The following SCD5 variants were observed in gnomAD, a reference collection of about 807,000 sequenced individuals.
SCD5 encodes stearoyl-CoA desaturase 5.
Under a neutral mutation model 30.4 loss-of-function variants are expected in SCD5, and 20 were observed. The observed-to-expected ratio is 0.66, with a 90% CI of 0.46 to 0.96. SCD5 has a LOEUF of 0.96. Among genes scored for constraint, SCD5 ranks in the 40% least tolerant of loss-of-function variants. SCD5 has a pLI of 0.00. For synonymous variants in SCD5, 173 were observed against 176.4 expected, an observed-to-expected ratio of 0.98 and a Z score of 0.16; for missense variants, 381 against 443.3, an observed-to-expected ratio of 0.86 and a Z score of 1.26.
rs1727261911 is a variant in SCD5, at chr4:82,630,494, A to G, written c.*833T>C. ...TGATGGGTTAATTGGTAGAAAAGAA[A>G]ACAAATGCTCTCCTGAACTACACTG... On this transcript the variant is annotated 3_prime_UTR_variant, in exon 5 of 5. Transcript: ENST00000319540. 6.6e-6 allele frequency: 1 copy of G among 152,212 alleles called. No individual in the cohort carries two copies. Among genetic ancestry groups the G allele is most frequent in the East Asian group, 1.9e-4 (1 of 5,198 alleles). The allele number at this position is 152,212 out of a possible 1,614,324, so 9.4% of individuals were successfully genotyped here. A position where few individuals can be genotyped will look rare whatever the true frequency, so the allele number is the denominator to read the frequency against.
At position 82,702,653 on chromosome 4, in the gene SCD5, C is replaced by T. The variant is rs536665289; in HGVS notation, c.363+2630G>A. ...CCAAACAGAGACAGCTATGGCATGA[C>T]TTGTCCATTTTGGCCAATGGCATGA... On this transcript the variant is annotated intron_variant, in intron 2 of 4. Coordinates refer to ENST00000319540, the MANE Select transcript of SCD5 (RefSeq NM_001037582.3). Among the ~76,000 whole-genome samples the T allele has an allele frequency of 2.6e-5, 4 of 152,304 alleles. No homozygotes were observed. The East Asian group carries it at 7.7e-4, about 29-fold the overall frequency.
At chr4:82,707,404 G>A (rs1039023537) in intron 1 of SCD5, among the ~76,000 whole-genome samples, 3 of 152,166 alleles carry the variant, frequency 2.0e-5, no homozygotes, top group Non-Finnish European at 2.9e-5. Context: ...GAGAACTCAC[G>A]GACGGTCCTG....
chr4:82,769,525 T>G (rs898873346), intron 1 of SCD5, among the ~76,000 whole-genome samples: 1 of 152,174 alleles, frequency 6.6e-6, no homozygotes, highest in African/African-American at 2.4e-5. Context: ...CCTTTCAGTA[T>G]TGAACTGGGG....
intron 1 of SCD5, among the ~76,000 whole-genome samples, chr4:82,710,772 G>A (rs1424342268): frequency 6.6e-6 from 1 of 152,056 alleles, no homozygotes; most frequent in Non-Finnish European, 1.5e-5. Flanking sequence ...AAGATAGATA[G>A]GCAAAGGCCT....
chr4:82,780,106 C>T (rs17351989), intron 1 of SCD5, among the ~76,000 whole-genome samples: 7,638 of 152,310 alleles, frequency 0.05, 269 homozygotes, highest in Middle Eastern at 0.086. Context: ...GCACAGAAAG[C>T]ACATAAATGT....
chr4:82,724,994 G>A (rs1431082796), intron 1 of SCD5, among the ~76,000 whole-genome samples: 1 of 152,150 alleles, frequency 6.6e-6, no homozygotes, highest in African/African-American at 2.4e-5. Flanking sequence ...GACATATGTT[G>A]ATTATATTTC....
intron 3 of SCD5, among the ~76,000 whole-genome samples, chr4:82,637,757 G>C (rs1324964418): frequency 1.3e-5 from 2 of 152,226 alleles, no homozygotes; most frequent in Admixed American, 6.5e-5. Context: ...TGGGAGTGCA[G>C]GCACAGTGTG....
At chr4:82,661,116 A>C in intron 3 of SCD5, 1 of 1,589,708 alleles carries the variant, frequency 6.3e-7, no homozygotes, top group Non-Finnish European at 8.6e-7. Flanking sequence ...AGTTCCACCC[A>C]GGTTTGTTCA....
intron 2 of SCD5, among the ~76,000 whole-genome samples, chr4:82,687,382 A>C (rs1366563124): frequency 2.6e-5 from 4 of 152,052 alleles, no homozygotes; most frequent in Admixed American, 6.6e-5. Context: ...GTGTTTTGTA[A>C]ATTTTTATAA....
At chr4:82,640,012 C>A (rs911884792) in intron 3 of SCD5, among the ~76,000 whole-genome samples, 15 of 152,158 alleles carry the variant, frequency 9.9e-5, no homozygotes, top group African/African-American at 3.4e-4. Context: ...TAGACACCCT[C>A]GAGTCATGAA....
chr4:82,647,679 T>C (rs543088658), intron 3 of SCD5, among the ~76,000 whole-genome samples: 1 of 152,340 alleles, frequency 6.6e-6, no homozygotes, highest in South Asian at 2.1e-4. Context: ...CCAGACAGCC[T>C]ACCCTGATAG....
chr4:82,719,075 C>G (rs747310924), intron 1 of SCD5, among the ~76,000 whole-genome samples: 1 of 151,766 alleles, frequency 6.6e-6, no homozygotes, highest in Non-Finnish European at 1.5e-5. Flanking sequence ...CCACAACCAA[C>G]CCACAGATTT....
At chr4:82,649,510 TA>T (rs963194764) in intron 3 of SCD5, among the ~76,000 whole-genome samples, 23 of 152,336 alleles carry the variant, frequency 1.5e-4, no homozygotes, top group Non-Finnish European at 8.8e-5. Flanking sequence ...GGGCATTACC[TA>T]GGGCCTTGCT....
intron 3 of SCD5, among the ~76,000 whole-genome samples, chr4:82,663,947 T>C (rs1728103188): frequency 2.0e-5 from 3 of 152,174 alleles, no homozygotes; most frequent in African/African-American, 7.2e-5. Flanking sequence ...TAAGAAACCC[T>C]TGACCCCAAG....
At chr4:82,732,221 C>T (rs1720659511) in intron 1 of SCD5, among the ~76,000 whole-genome samples, 1 of 152,156 alleles carries the variant, frequency 6.6e-6, no homozygotes, top group Non-Finnish European at 1.5e-5. Flanking sequence ...CTGCCTCAGC[C>T]TCCCGAGTAG....
chr4:82,769,714 T>A (rs1475306346), intron 1 of SCD5, among the ~76,000 whole-genome samples: 1 of 152,204 alleles, frequency 6.6e-6, no homozygotes, highest in Non-Finnish European at 1.5e-5. Context: ...CATCTGGAAG[T>A]ATTTAATGGT....
At chr4:82,730,326 C>G (rs1720606211) in intron 1 of SCD5, among the ~76,000 whole-genome samples, 1 of 149,112 alleles carries the variant, frequency 6.7e-6, no homozygotes, top group Non-Finnish European at 1.5e-5. Context: ...GAGGCAGAGT[C>G]TCGCTCTGTC....
intron 2 of SCD5, chr4:82,692,573 G>A (rs1578023932): frequency 1.3e-5 from 2 of 152,416 alleles, no homozygotes; most frequent in Non-Finnish European, 2.9e-5. Context: ...GGTATCCCGT[G>A]TCAGGTTCTC....
chr4:82,679,761 G>A (rs1728529092), intron 3 of SCD5, among the ~76,000 whole-genome samples: 1 of 152,166 alleles, frequency 6.6e-6, no homozygotes, highest in Non-Finnish European at 1.5e-5. Context: ...GGGGGAAAGA[G>A]CACAGTCCTA....
Sources: gnomAD v4.1 joint callset for allele counts (sites outside exome capture counted in the v4.1 genomes callset) on GRCh38, gnomAD v4.1.1 for gene constraint, MANE v1.5 for transcripts, NCBI Gene and HGNC (gene_info 2026-07-23, HGNC 2026-07-21) for gene names.